Variants in ARHGAP30 observed in about 807,000 individuals in gnomAD.
ARHGAP30 encodes the protein rho GTPase-activating protein 30.
In ARHGAP30, 23 loss-of-function variants were observed where a neutral mutation model predicts 72.0. The ratio of observed to expected loss-of-function variants is 0.32; its 90% CI spans 0.23 to 0.45. The LOEUF is 0.45. ARHGAP30 is among the 20% of genes least tolerant of loss of function. The pLI is 1.00. For missense variants in ARHGAP30, 1,319 were observed against 1,383.4 expected (o/e 0.95, Z 0.74); for synonymous variants, 576 against 528.2 (o/e 1.09, Z -1.24).
rs376478099 is a variant in ARHGAP30, at chr1:161,054,752, C to T, written c.346-47G>A. The T allele has an allele frequency of 1.1e-4, 166 of 1,527,796 alleles. No individual in the cohort carries two copies. The African/African-American group carries it at 2.0e-3, about 18-fold the overall frequency. The allele number at this position is 1,527,796 out of a possible 1,614,324, so 94.6% of individuals were successfully genotyped here. A position where few individuals can be genotyped will look rare whatever the true frequency, so the allele number is the denominator to read the frequency against. ...AGCAGGAATCAGTGACCCAGCAATG[C>T]CCCTGCTTACTCCCCAGAGCTTGTA... On this transcript the variant is annotated intron_variant, in intron 3 of 11. Transcript: ENST00000368013.
intron 6 of ARHGAP30, 71 bp from the exon 7 acceptor site, chr1:161,052,868 A>G: frequency 2.6e-6 from 4 of 1,551,880 alleles, no homozygotes; most frequent in Non-Finnish European, 3.5e-6. Flanking sequence ...CCAATCCTTC[A>G]TCACCCCTCG....
rs1413686041 is a variant in ARHGAP30 at position 161,047,611 on chromosome 1, G to C, written c.*104C>G. On this transcript the variant is annotated 3_prime_UTR_variant, in exon 12 of 12. Coordinates refer to ENST00000368013, the MANE Select transcript of ARHGAP30 (RefSeq NM_001025598.2). The stretch of plus-strand genomic sequence containing the variant: ...AAGCTGGAGGGCCAAAGCCTATAGA[G>C]TTGGGCACTACAGCTGCTCATGCTG... 1 of 1,290,924 alleles carries C rather than the reference G, an allele frequency of 7.7e-7. No individual in the cohort carries two copies. Among genetic ancestry groups the C allele is most frequent in the Non-Finnish European group, 1.0e-6 (1 of 958,992 alleles). The allele number at this position is 1,290,924 out of a possible 1,614,324, so 80.0% of individuals were successfully genotyped here.
At chr1:161,062,361 A>G (rs1557932896) in intron 1 of ARHGAP30, among the ~76,000 whole-genome samples, 1 of 152,164 alleles carries the variant, frequency 6.6e-6, no homozygotes, top group Non-Finnish European at 1.5e-5. Context: ...CCTTGGTAGC[A>G]TCACTCATAT....
chr1:161,048,344 G>A lies in ARHGAP30; in HGVS notation c.2677C>T (p.Pro893Ser), dbSNP rs1482528147. Reference sequence around the variant, plus strand: ...TCAGGCTCCATCTCCTCTGGCTGAGGTGGCTGTGGGGCTACCTCTTCCATC... The same window carrying A: ...TCAGGCTCCATCTCCTCTGGCTGAGATGGCTGTGGGGCTACCTCTTCCATC... ...SEMEEVAPQP[P>S]QPEEMEPEGQ... Residue 893 changes from proline (P) to serine (S), a missense_variant, in exon 12 of 12, where the codon CCT becomes TCT. Physicochemically the swap from Pro to Ser is moderately conservative, Grantham distance 74. Coordinates refer to ENST00000368013, the MANE Select transcript of ARHGAP30 (RefSeq NM_001025598.2). 1.2e-6 allele frequency: 2 copies of A among 1,614,168 alleles called. No individual in the cohort carries two copies. Among genetic ancestry groups the A allele is most frequent in the African/African-American group, 1.3e-5 (1 of 75,056 alleles).
chr1:161,053,025 A>G, intron 6 of ARHGAP30: 1 of 842,080 alleles, frequency 1.2e-6, no homozygotes, highest in Non-Finnish European at 1.8e-6. Context: ...ATGAGCCATC[A>G]CTAGCCTTGG....
chr1:161,051,345 G>C lies in ARHGAP30; in HGVS notation c.1389C>G (p.Gly463=). 1 of 1,610,936 alleles carries C rather than the reference G, an allele frequency of 6.2e-7. No individual in the cohort carries two copies. Among genetic ancestry groups the C allele is most frequent in the Non-Finnish European group, 8.5e-7 (1 of 1,178,462 alleles). The change falls in exon 10 of 12, where the codon GGC becomes GGG. Residue 463 remains glycine (G), a synonymous_variant. Coordinates refer to ENST00000368013, the MANE Select transcript of ARHGAP30 (RefSeq NM_001025598.2). ...QHRPSPASGP[G]PGPGLGPGPP... ...GGCCAGGGCCAAGGCCAGGGCCAGG[G>C]CCAGGGCCAGAGGCAGGGCTTGGCC... is the stretch of plus-strand genomic sequence containing the variant.
In ARHGAP30 at chr1:161,047,784, C is replaced by CA; in HGVS notation, c.3236dup (p.Leu1080ValfsTer11). Reference sequence around the variant, plus strand: ...CATATGACCTGCGCTGAGAGGACAACAGGGGGTCAGGAACCTGGGGTTCTC... The same window carrying CA: ...CATATGACCTGCGCTGAGAGGACAACAAGGGGGTCAGGAACCTGGGGTTCTC... On this transcript the variant is annotated frameshift_variant, in exon 12 of 12. Transcript: ENST00000368013. LOFTEE classifies it high-confidence loss of function. The CA allele has an allele frequency of 6.3e-7, 1 of 1,592,238 alleles. No homozygotes were observed. The highest frequency in any genetic ancestry group is 8.5e-7 in the Non-Finnish European group (1 of 1,171,244).
At chr1:161,055,163 T>G (rs1464524106) in intron 3 of ARHGAP30, among the ~76,000 whole-genome samples, 2 of 152,212 alleles carry the variant, frequency 1.3e-5, no homozygotes, top group Admixed American at 1.3e-4. Context: ...TGTTACTCAA[T>G]TCAAAATAGC....
In ARHGAP30 at chr1:161,047,045, C is replaced by T. The variant is rs1388943348; in HGVS notation, c.*670G>A. 1 of 458,142 alleles carries T rather than the reference C, an allele frequency of 2.2e-6. No homozygotes were observed. Among genetic ancestry groups the T allele is most frequent in the South Asian group, 1.6e-5 (1 of 62,174 alleles). The allele number at this position is 458,142 out of a possible 1,614,324, so 28.4% of individuals were successfully genotyped here. A position where few individuals can be genotyped will look rare whatever the true frequency, so the allele number is the denominator to read the frequency against. ...AAGCAGTCCCAGGGCCTGAGTGACA[C>T]CATTTCCCTTTCCTGAAATAGGAAC... On this transcript the variant is annotated 3_prime_UTR_variant, in exon 12 of 12. Coordinates refer to ENST00000368013, the MANE Select transcript of ARHGAP30 (RefSeq NM_001025598.2).
intron 1 of ARHGAP30, among the ~76,000 whole-genome samples, chr1:161,064,235 CTT>C (rs1652524615): frequency 1.3e-5 from 2 of 152,236 alleles, no homozygotes; most frequent in South Asian, 4.1e-4. Context: ...ACATTTCTCT[CTT>C]TTGTACTCTG....
chr1:161,053,896 T>C (rs1651632065), intron 5 of ARHGAP30, among the ~76,000 whole-genome samples: 1 of 152,032 alleles, frequency 6.6e-6, no homozygotes, highest in Non-Finnish European at 1.5e-5. Context: ...TGAAACCCCT[T>C]CTCTCTACTA....
In ARHGAP30 at chr1:161,053,497, TCTCTCTCTC is replaced by T. The variant is rs1651593222; in HGVS notation, c.537-121_537-113del. ...CTCTCTCTCTCTCTCTCTCTCTCTC[TCTCTCTCTC>T]GAATGACCTTAACCCCTTCTCTACC... On this transcript the variant is annotated intron_variant, in intron 5 of 11. Coordinates refer to ENST00000368013, the MANE Select transcript of ARHGAP30 (RefSeq NM_001025598.2). 2.3e-5 allele frequency: 21 copies of T among 897,616 alleles called. No individual in the cohort carries two copies. The African/African-American group carries it at 3.9e-4, about 17-fold the overall frequency. The allele number at this position is 897,616 out of a possible 1,614,324, so 55.6% of individuals were successfully genotyped here.
rs1404523236 is a variant in ARHGAP30, at chr1:161,050,322, G to A, written c.1421-633C>T. On this transcript the variant is annotated intron_variant, in intron 10 of 11. Transcript: ENST00000368013. ...TTTTTTTTTTTTTTTTTTTTGAGAC[G>A]GAGTCTTGCTATGTCTCCCAGGCTG... Among the ~76,000 whole-genome samples the A allele has an allele frequency of 5.5e-5, 7 of 126,548 alleles. No homozygotes were observed. In the East Asian group the frequency reaches 9.2e-4, roughly 17 times the overall value. 83.0% of individuals were successfully genotyped at this position (126,548 alleles called of 152,430 possible).
At chr1:161,057,905 A>C (rs942894980) in intron 2 of ARHGAP30, among the ~76,000 whole-genome samples, 2 of 152,074 alleles carry the variant, frequency 1.3e-5, no homozygotes, top group African/African-American at 4.8e-5. Context: ...TAATCCCAGC[A>C]CTTCTGGAGG....
chr1:161,051,480 G>A lies in ARHGAP30; in HGVS notation c.1254C>T (p.Val418=). Residue 418 remains valine, a synonymous_variant, in exon 10 of 12, where the codon GTC becomes GTT. Coordinates refer to ENST00000368013, the MANE Select transcript of ARHGAP30 (RefSeq NM_001025598.2). ...AGVHISDPYN[V]NLPLHITSIL... ...TAGAGGTGATGTGTAGCGGGAGGTT[G>A]ACATTGTAGGGGTCTGAGATGTGGA... 1 of 1,614,272 alleles carries A rather than the reference G, an allele frequency of 6.2e-7. No homozygotes were observed. The highest frequency in any genetic ancestry group is 8.5e-7 in the Non-Finnish European group (1 of 1,180,048).
At chr1:161,064,811 GAA>G (rs1180443934) in intron 1 of ARHGAP30, among the ~76,000 whole-genome samples, 4 of 65,154 alleles carry the variant, frequency 6.1e-5, no homozygotes, top group African/African-American at 2.8e-4. Context: ...AAGAAAGAAA[GAA>G]AGAAAGAAAG....
chr1:161,060,719 T>TTG (rs1652252950), intron 1 of ARHGAP30, among the ~76,000 whole-genome samples: 1 of 130,454 alleles, frequency 7.7e-6, no homozygotes, highest in African/African-American at 3.4e-5. Flanking sequence ...TTTTTTTTTT[T>TTG]GAGACGGAGT....
chr1:161,068,739 T>C (rs1359486879), intron 1 of ARHGAP30, among the ~76,000 whole-genome samples: 1 of 152,092 alleles, frequency 6.6e-6, no homozygotes, highest in African/African-American at 2.4e-5. Flanking sequence ...ATATTGTCCC[T>C]GGTCCTTCTG....
chr1:161,064,848 AG>A (rs1464284470), intron 1 of ARHGAP30, among the ~76,000 whole-genome samples: 1,994 of 87,884 alleles, frequency 0.023, 28 homozygotes, highest in Non-Finnish European at 0.031. Flanking sequence ...AAAGAAAGAA[AG>A]GAAAGGAAGG....
Sources: allele counts gnomAD v4.1 joint callset (sites outside exome capture counted in the v4.1 genomes callset), GRCh38; gene constraint gnomAD v4.1.1; transcripts MANE v1.5; gene names NCBI Gene and HGNC (gene_info 2026-07-23, HGNC 2026-07-21).